The following GALNT9 variants were observed in gnomAD, a reference collection of about 807,000 sequenced individuals.
The protein encoded by GALNT9 is GalNAc transferase 9.
GALNT9 carries 47 observed loss-of-function variants against 63.1 expected under a neutral mutation model. The observed-to-expected ratio is 0.75, with a 90% CI of 0.59 to 0.95. The LOEUF (loss-of-function observed/expected upper bound fraction) is 0.95, where lower values mean the gene tolerates loss of function less well. Among genes scored for constraint, GALNT9 ranks in the 40% least tolerant of loss-of-function variants. The pLI is 0.00. For missense variants in GALNT9, 829 were observed against 874.8 expected, an observed-to-expected ratio of 0.95 and a Z score of 0.66; for synonymous variants, 396 against 365.7, an observed-to-expected ratio of 1.08 and a Z score of -0.94.
chr12:132,199,471 C>T (rs762408232), intron 8 of GALNT9, among the ~76,000 whole-genome samples: 43 of 152,164 alleles, frequency 2.8e-4, no homozygotes, highest in Admixed American at 4.6e-4. Context: ...TGGAAGTGTC[C>T]GCCATGCACA....
At chr12:132,202,092 TCA>T (rs910131086) in intron 7 of GALNT9, among the ~76,000 whole-genome samples, 1 of 152,226 alleles carries the variant, frequency 6.6e-6, no homozygotes, top group African/African-American at 2.4e-5. Flanking sequence ...TCTCTGTGCC[TCA>T]GTTACTCATT....
intron 8 of GALNT9, chr12:132,200,523 G>C (rs944798314): frequency 2.0e-5 from 3 of 152,532 alleles, no homozygotes; most frequent in African/African-American, 7.2e-5. Flanking sequence ...TATTTTGCTT[G>C]ATAACAAGGG....
intron 2 of GALNT9, among the ~76,000 whole-genome samples, chr12:132,268,782 G>A (rs1271423987): frequency 6.6e-6 from 1 of 152,156 alleles, no homozygotes; most frequent in African/African-American, 2.4e-5. Context: ...GTGCGCAGGT[G>A]CCCCCCTCGG....
intron 6 of GALNT9, among the ~76,000 whole-genome samples, chr12:132,241,065 C>A (rs1555237024): frequency 1.5e-5 from 2 of 132,578 alleles, no homozygotes; most frequent in African/African-American, 2.9e-5. Flanking sequence ...ATACCCATTA[C>A]ACACACGCCA....
intron 1 of GALNT9, among the ~76,000 whole-genome samples, chr12:132,328,355 T>A (rs1869133684): frequency 6.6e-6 from 1 of 152,140 alleles, no homozygotes; most frequent in Non-Finnish European, 1.5e-5. Context: ...TGCATGATCC[T>A]CAACTCCATC....
chr12:132,309,419 G>A (rs1881734521), intron 1 of GALNT9, among the ~76,000 whole-genome samples: 1 of 152,180 alleles, frequency 6.6e-6, no homozygotes, highest in African/African-American at 2.4e-5. Context: ...GGCCCCAAAA[G>A]CTATCTCCAC....
At chr12:132,290,816 C>G (rs1880792742) in intron 1 of GALNT9, among the ~76,000 whole-genome samples, 1 of 67,728 alleles carries the variant, frequency 1.5e-5, no homozygotes, top group African/African-American at 7.8e-5. Context: ...GCACCCACGT[C>G]CACAGCACCC....
intron 1 of GALNT9, among the ~76,000 whole-genome samples, chr12:132,308,093 GAC>G (rs1881682846): frequency 1.3e-5 from 2 of 152,006 alleles, no homozygotes; most frequent in African/African-American, 2.4e-5. Flanking sequence ...AGGGAGATTC[GAC>G]ACAGACAGAA....
rs764820390 is a variant in GALNT9, at chr12:132,197,867, G to T, written c.1590C>A (p.Gly530=). The change falls in exon 10 of 11, where the codon GGC becomes GGA. Residue 530 remains glycine (G), a synonymous_variant. Coordinates refer to ENST00000328957, the MANE Select transcript of GALNT9 (RefSeq NM_001122636.2). ...LPDSKCLVDD[G]TGRMPTLKKC... ...TCTTCAGGGTGGGCATGCGGCCCGT[G>T]CCGTCATCCACCAGACACTTGGAGT... 1 of 1,610,358 alleles carries T rather than the reference G, an allele frequency of 6.2e-7. No homozygotes were observed. The highest frequency in any genetic ancestry group is 1.7e-5 in the Admixed American group (1 of 59,732).
At chr12:132,291,424 C>T (rs1555242742) in intron 1 of GALNT9, among the ~76,000 whole-genome samples, 6 of 137,092 alleles carry the variant, frequency 4.4e-5, no homozygotes, top group Non-Finnish European at 9.3e-5. Flanking sequence ...GTCCACAGCA[C>T]CCACAACCAC....
At chr12:132,235,364 T>A (rs1305672664) in intron 6 of GALNT9, among the ~76,000 whole-genome samples, 1 of 151,928 alleles carries the variant, frequency 6.6e-6, no homozygotes, top group Non-Finnish European at 1.5e-5. Context: ...CCAAACAAAC[T>A]GTGTGGGGTA....
In GALNT9 at chr12:132,282,230, G is replaced by C. The variant is rs1484291920; in HGVS notation, c.419+4020C>G. ...AGAGGAATCAGCTCCACTGCAGCAA[G>C]GCCAGGCCTGGGGTCCCACATCCCA... is the stretch of plus-strand genomic sequence containing the variant. On this transcript the variant is annotated intron_variant, in intron 2 of 10. Coordinates refer to ENST00000328957, the MANE Select transcript of GALNT9 (RefSeq NM_001122636.2). The surrounding 1 kb of genome is among the most constrained non-coding windows in gnomAD (Gnocchi z 4.5). 6.7e-6 allele frequency among the ~76,000 whole-genome samples: 1 copy of C among 149,498 alleles called. No homozygotes were observed. The highest frequency in any genetic ancestry group is 2.5e-5 in the African/African-American group (1 of 40,260).
intron 2 of GALNT9, among the ~76,000 whole-genome samples, chr12:132,266,952 A>G (rs1034442422): frequency 6.6e-6 from 1 of 152,136 alleles, no homozygotes; most frequent in African/African-American, 2.4e-5. Context: ...GACTCAGGTG[A>G]GCATCCTGGC....
chr12:132,313,942 C>G (rs1408818798), intron 1 of GALNT9, among the ~76,000 whole-genome samples: 1 of 137,962 alleles, frequency 7.2e-6, no homozygotes, highest in African/African-American at 2.7e-5. Flanking sequence ...ACTCACCCAT[C>G]CACCCACCCA....
chr12:132,291,046 G>C (rs1356974021), intron 1 of GALNT9, among the ~76,000 whole-genome samples: 3 of 73,574 alleles, frequency 4.1e-5, no homozygotes, highest in Non-Finnish European at 5.6e-5. Context: ...CACGTCCACA[G>C]CGCCCACATC....
intron 1 of GALNT9, among the ~76,000 whole-genome samples, chr12:132,325,461 G>T (rs1300967701): frequency 2.0e-5 from 3 of 152,192 alleles, no homozygotes; most frequent in Non-Finnish European, 2.9e-5. Context: ...GCTGGAGGAA[G>T]CCTGAGTCCA....
chr12:132,305,657 G>C (rs570197874), intron 1 of GALNT9, among the ~76,000 whole-genome samples: 4 of 149,810 alleles, frequency 2.7e-5, no homozygotes, highest in African/African-American at 1.0e-4. Flanking sequence ...CCTCGCCCGG[G>C]CACAGCCTCG....
At chr12:132,211,019 T>A (rs1876936791) in intron 6 of GALNT9, among the ~76,000 whole-genome samples, 1 of 152,034 alleles carries the variant, frequency 6.6e-6, no homozygotes, top group South Asian at 2.1e-4. Flanking sequence ...AAAATCGCGG[T>A]GCCTGCCGCC....
chr12:132,204,513 C>T (rs1324663634), intron 6 of GALNT9, among the ~76,000 whole-genome samples: 1 of 152,082 alleles, frequency 6.6e-6, no homozygotes, highest in Non-Finnish European at 1.5e-5. Flanking sequence ...ACACTCTGCT[C>T]GATTCGGGCT....
Sources: gnomAD v4.1 joint callset for allele counts (sites outside exome capture counted in the v4.1 genomes callset) on GRCh38, gnomAD v4.1.1 for gene constraint, Gnocchi (gnomAD v3.1) non-coding constraint, MANE v1.5 for transcripts, NCBI Gene and HGNC (gene_info 2026-07-23, HGNC 2026-07-21) for gene names.